Variants in RPRD2 observed in about 807,000 individuals in gnomAD.
RPRD2 encodes the protein regulation of nuclear pre-mRNA domain-containing protein 2.
A neutral mutation model predicts 104.4 loss-of-function variants in RPRD2; 12 were observed. The ratio of observed to expected loss-of-function variants is 0.11; its 90% CI spans 0.07 to 0.19. The LOEUF is 0.19. Ranked by LOEUF, RPRD2 falls within the 10% of genes least tolerant of loss-of-function variation. The pLI, the probability that RPRD2 is intolerant of heterozygous loss-of-function variation, is 1.00. For missense variants in RPRD2, 1,543 were observed against 1,790.1 expected (o/e 0.86, Z 2.49); for synonymous variants, 714 against 684.9 (o/e 1.04, Z -0.66).
chr1:150,426,987 A>G (rs1665175562), intron 2 of RPRD2, among the ~76,000 whole-genome samples: 4 of 151,992 alleles, frequency 2.6e-5, no homozygotes, highest in African/African-American at 9.7e-5. Context: ...TCTACTAAAA[A>G]TACAAAAATT....
chr1:150,433,853 T>TAATATAA (rs1665811838), intron 2 of RPRD2, among the ~76,000 whole-genome samples: 1 of 142,060 alleles, frequency 7.0e-6, no homozygotes, highest in African/African-American at 2.6e-5. Context: ...TATATATATG[T>TAATATAA]TATATATACA....
chr1:150,369,623 A>ATTTTTTTTTTTTTTTTTTTT lies in RPRD2; in HGVS notation c.205+4723_205+4724insTTTTTTTTTTTTTTTTTTTT. Among the ~76,000 whole-genome samples, 168 of 68,818 alleles carry ATTTTTTTTTTTTTTTTTTTT rather than the reference A, an allele frequency of 2.4e-3. 1 individual carries two copies. Among genetic ancestry groups the ATTTTTTTTTTTTTTTTTTTT allele is most frequent in the Non-Finnish European group, 3.2e-3 (106 of 33,470 alleles). 45.1% of individuals were successfully genotyped at this position (68,818 alleles called of 152,430 possible). On this transcript the variant is annotated intron_variant, in intron 1 of 10. Coordinates refer to ENST00000369068, the MANE Select transcript of RPRD2 (RefSeq NM_015203.5). ...AGGCGCCCGTCACCGCGCCCAGCTA[A>ATTTTTTTTTTTTTTTTTTTT]TTTTTTTTTTTTTTTTTTTGTATTT...
At chr1:150,403,241 A>T (rs1298968537) in intron 1 of RPRD2, among the ~76,000 whole-genome samples, 1 of 152,196 alleles carries the variant, frequency 6.6e-6, no homozygotes, top group Admixed American at 6.5e-5. Flanking sequence ...CATATATATT[A>T]TCAGTTTTTT....
Position 150,471,749 on chromosome 1 carries a change from A to G in RPRD2, c.2801A>G (p.Asn934Ser), listed in dbSNP as rs1451785892. The change falls in exon 11 of 11, where the codon AAT becomes AGT. Residue 934 changes from asparagine (N) to serine (S), a missense_variant. Around this residue, in one of 4 missense-constraint regions of RPRD2, gnomAD observed 880 missense variants for 885.6 expected, o/e 0.99. Coordinates refer to ENST00000369068, the MANE Select transcript of RPRD2 (RefSeq NM_015203.5). The surrounding 1 kb of genome is among the most constrained non-coding windows in gnomAD (Gnocchi z 5.3). The stretch of plus-strand genomic sequence containing the variant: ...GACCGGTCACCATCACCGAGTAAGA[A>G]TGATTCATTTTTCACCCCTGACTCC... ...GSDRSPSPSKNDSFFTPDSNH... is the reference protein window; with the variant it reads ...GSDRSPSPSKSDSFFTPDSNH... The G allele has an allele frequency of 6.2e-7, 1 of 1,613,910 alleles. No individual in the cohort carries two copies. Among genetic ancestry groups the G allele is most frequent in the South Asian group, 1.1e-5 (1 of 91,086 alleles).
intron 1 of RPRD2, among the ~76,000 whole-genome samples, chr1:150,408,400 C>T (rs1373437427): frequency 2.6e-5 from 4 of 151,918 alleles, no homozygotes; most frequent in Non-Finnish European, 5.9e-5. Flanking sequence ...GTGATCTATC[C>T]GCCTCGGCCT....
intron 7 of RPRD2, among the ~76,000 whole-genome samples, chr1:150,456,299 A>C (rs1027008476): frequency 6.6e-6 from 1 of 152,124 alleles, no homozygotes; most frequent in African/African-American, 2.4e-5. Context: ...GGAGCAAGGG[A>C]ATATAAATTA....
intron 7 of RPRD2, among the ~76,000 whole-genome samples, chr1:150,449,807 A>C (rs1023689338): frequency 1.3e-5 from 2 of 152,068 alleles, no homozygotes; most frequent in African/African-American, 4.8e-5. Context: ...GTTTTTTATA[A>C]ATTTTCAAAA....
At chr1:150,393,179 T>C (rs1026000867) in intron 1 of RPRD2, among the ~76,000 whole-genome samples, 2 of 151,802 alleles carry the variant, frequency 1.3e-5, no homozygotes, top group African/African-American at 2.4e-5. Context: ...CAAAACATTA[T>C]TAAAGAGGGC....
At chr1:150,395,047 T>A (rs1343048205) in intron 1 of RPRD2, among the ~76,000 whole-genome samples, 1 of 152,206 alleles carries the variant, frequency 6.6e-6, no homozygotes, top group Non-Finnish European at 1.5e-5. Flanking sequence ...AGGTGGTATT[T>A]GGTTATATGA....
In RPRD2 at chr1:150,411,652, G is replaced by A. The variant is rs1214751039; in HGVS notation, c.206-5944G>A. On this transcript the variant is annotated intron_variant, in intron 1 of 10. Transcript: ENST00000369068. ...CTGAAAATACAAAAATTAGCCAGGC[G>A]TGGTGATGCGCACCCATAGTCCCAG... Among the ~76,000 whole-genome samples the A allele has an allele frequency of 8.5e-5, 11 of 128,680 alleles. 1 individual carries two copies. Among genetic ancestry groups the A allele is most frequent in the African/African-American group, 3.5e-4 (11 of 31,184 alleles). 84.4% of individuals were successfully genotyped at this position (128,680 alleles called of 152,430 possible). A position where few individuals can be genotyped will look rare whatever the true frequency, so the allele number is the denominator to read the frequency against.
At chr1:150,462,796 C>A (rs1668025156) in intron 9 of RPRD2, among the ~76,000 whole-genome samples, 1 of 152,180 alleles carries the variant, frequency 6.6e-6, no homozygotes, top group African/African-American at 2.4e-5. Context: ...ACCTCGTGAT[C>A]TGCTCGCGTT....
chr1:150,379,141 G>T (rs1188944206), intron 1 of RPRD2, among the ~76,000 whole-genome samples: 5 of 151,444 alleles, frequency 3.3e-5, no homozygotes, highest in Admixed American at 1.3e-4. Flanking sequence ...AAATTAGACC[G>T]TCATGGTGGC....
intron 4 of RPRD2, 84 bp downstream of exon 4, chr1:150,442,042 G>A (rs931361636): frequency 1.9e-6 from 2 of 1,056,262 alleles, no homozygotes; most frequent in Non-Finnish European, 2.8e-6. Context: ...CATCGTACCT[G>A]GCATAAACCA....
At chr1:150,399,295 A>C (rs1662786598) in intron 1 of RPRD2, among the ~76,000 whole-genome samples, 1 of 152,124 alleles carries the variant, frequency 6.6e-6, no homozygotes, top group Non-Finnish European at 1.5e-5. Flanking sequence ...TAGAAGTTTT[A>C]TAGTTAGGTT....
intron 2 of RPRD2, among the ~76,000 whole-genome samples, chr1:150,427,472 CA>C (rs111542386): frequency 0.27 from 33,558 of 125,546 alleles, 4,267 homozygotes; most frequent in African/African-American, 0.37. Flanking sequence ...GACTCTATCT[CA>C]AAAAAAAAAA....
intron 1 of RPRD2, among the ~76,000 whole-genome samples, chr1:150,387,001 T>C (rs782098473): frequency 6.6e-6 from 1 of 152,198 alleles, no homozygotes; most frequent in Non-Finnish European, 1.5e-5. Context: ...CTTTTTAAAA[T>C]AGATTTGTGT....
chr1:150,376,948 C>T (rs1412701255), intron 1 of RPRD2, among the ~76,000 whole-genome samples: 1 of 151,608 alleles, frequency 6.6e-6, no homozygotes, highest in African/African-American at 2.4e-5. Flanking sequence ...CTGTGGCTCA[C>T]GCCTGTAATC....
chr1:150,364,773 C>T lies in RPRD2; in HGVS notation c.59C>T (p.Ala20Val), dbSNP rs781798238. Residue 20 changes from alanine to valine, a missense_variant, in exon 1 of 11, where the codon GCA (alanine) becomes GTA (valine). Ala to Val is a moderately conservative substitution (Grantham distance 64). This residue lies in a region of RPRD2 where 88 missense variants were observed against 96.6 expected (regional missense o/e 0.91). Transcript: ENST00000369068. ...GCCTCCTCCTCGTCGGCCTCTTCGG[C>T]AGGGGCTCTGGAGTCCTCGTTGGAT... is the stretch of plus-strand genomic sequence containing the variant. ...SKASSSSASSAGALESSLDRK... is the reference protein window; with the variant it reads ...SKASSSSASSVGALESSLDRK... The T allele has an allele frequency of 8.1e-6, 13 of 1,610,350 alleles. No individual in the cohort carries two copies. Among genetic ancestry groups the T allele is most frequent in the African/African-American group, 2.7e-5 (2 of 74,902 alleles).
chr1:150,389,919 C>CT (rs1661933861), intron 1 of RPRD2, among the ~76,000 whole-genome samples: 1 of 152,146 alleles, frequency 6.6e-6, no homozygotes, highest in Non-Finnish European at 1.5e-5. Flanking sequence ...TAATGGGAGA[C>CT]TAAGCCTTGG....
Sources: gnomAD v4.1 joint callset for allele counts (sites outside exome capture counted in the v4.1 genomes callset) on GRCh38, gnomAD v4.1.1 for gene constraint, gnomAD v4.1.1 regional missense constraint, Gnocchi (gnomAD v3.1) non-coding constraint, MANE v1.5 for transcripts, NCBI Gene and HGNC (gene_info 2026-07-23, HGNC 2026-07-21) for gene names.